NAALADL2: variants seen among roughly 807,000 people sequenced by gnomAD.
NAALADL2 encodes N-acetylated alpha-linked acidic dipeptidase like 2, also known as inactive N-acetylated-alpha-linked acidic dipeptidase-like protein 2.
A neutral mutation model predicts 87.2 loss-of-function variants in NAALADL2; 76 were observed. The observed-to-expected ratio is 0.87, with a 90% CI of 0.72 to 1.05. NAALADL2 has a LOEUF of 1.05. Ranked by LOEUF, NAALADL2 falls within the 50% of genes least tolerant of loss-of-function variation. NAALADL2 has a pLI of 0.00. For missense variants in NAALADL2, 1,089 were observed against 945.8 expected (o/e 1.15, Z -1.99); for synonymous variants, 354 against 331.0 (o/e 1.07, Z -0.75).
chr3:175,026,032 A>G (rs554776194), intron 1 of NAALADL2, among the ~76,000 whole-genome samples: 1 of 152,030 alleles, frequency 6.6e-6, no homozygotes, highest in Non-Finnish European at 1.5e-5. Flanking sequence ...GCTAGTCTCA[A>G]ATTCCTGGGC....
At chr3:174,907,302 C>T (rs1300877198) in intron 1 of NAALADL2, among the ~76,000 whole-genome samples, 1 of 151,982 alleles carries the variant, frequency 6.6e-6, no homozygotes, top group African/African-American at 2.4e-5. Context: ...CAGCAAATTA[C>T]CCAAGATGGA....
intron 2 of NAALADL2, among the ~76,000 whole-genome samples, chr3:174,656,708 G>T (rs988356912): frequency 1.3e-5 from 2 of 152,040 alleles, no homozygotes; most frequent in African/African-American, 2.4e-5. Flanking sequence ...GCATCTGCTT[G>T]CTGTTTCCAT....
chr3:175,684,154 T>TA (rs566709588), intron 11 of NAALADL2, among the ~76,000 whole-genome samples: 4,534 of 143,334 alleles, frequency 0.032, 237 homozygotes, highest in African/African-American at 0.11. Flanking sequence ...GCAATCACTT[T>TA]AAAAAAAAAA....
chr3:175,719,904 GT>G (rs1741985779), intron 11 of NAALADL2, among the ~76,000 whole-genome samples: 1 of 152,162 alleles, frequency 6.6e-6, no homozygotes, highest in African/African-American at 2.4e-5. Flanking sequence ...GTCTCCTCAT[GT>G]GATAGAAGAA....
intron 11 of NAALADL2, among the ~76,000 whole-genome samples, chr3:175,729,131 TTC>T (rs1213457513): frequency 2.6e-5 from 4 of 152,316 alleles, no homozygotes; most frequent in Middle Eastern, 3.4e-3. Context: ...TAATTTTAAC[TTC>T]TTTTTTAACT....
chr3:174,611,923 CT>C (rs796158684), intron 2 of NAALADL2, among the ~76,000 whole-genome samples: 1,862 of 144,572 alleles, frequency 0.013, 29 homozygotes, highest in African/African-American at 0.041. Context: ...GATTAATGTC[CT>C]TTTTTTTTTT....
intron 1 of NAALADL2, among the ~76,000 whole-genome samples, chr3:174,983,395 G>C (rs2108663427): frequency 6.6e-6 from 1 of 152,256 alleles, no homozygotes; most frequent in South Asian, 2.1e-4. Context: ...AGATAAAGAA[G>C]GTAGTTGAGG....
chr3:175,043,730 G>T (rs1754353965), intron 1 of NAALADL2, among the ~76,000 whole-genome samples: 1 of 152,062 alleles, frequency 6.6e-6, no homozygotes, highest in Non-Finnish European at 1.5e-5. Flanking sequence ...TCTTCTGTTA[G>T]TCTATGTGTC....
At chr3:174,679,513 G>A (rs890310776) in intron 2 of NAALADL2, among the ~76,000 whole-genome samples, 1 of 152,078 alleles carries the variant, frequency 6.6e-6, no homozygotes, top group Non-Finnish European at 1.5e-5. Context: ...GGTTACATCT[G>A]TGGCTCACAT....
At chr3:175,545,174 T>C (rs1305200216) in intron 9 of NAALADL2, among the ~76,000 whole-genome samples, 1 of 152,184 alleles carries the variant, frequency 6.6e-6, no homozygotes, top group Admixed American at 6.5e-5. Flanking sequence ...ACATGACTTA[T>C]ATGATCTCAC....
At chr3:175,384,252 G>T (rs142156908) in intron 5 of NAALADL2, among the ~76,000 whole-genome samples, 16 of 151,900 alleles carry the variant, frequency 1.1e-4, no homozygotes, top group African/African-American at 3.1e-4. Context: ...TTATCTTATT[G>T]ACTATAATGA....
intron 2 of NAALADL2, among the ~76,000 whole-genome samples, chr3:175,186,520 T>C (rs894868282): frequency 6.6e-6 from 1 of 152,126 alleles, no homozygotes; most frequent in Non-Finnish European, 1.5e-5. Context: ...GATTAGAAAG[T>C]AGCGACTATC....
intron 3 of NAALADL2, among the ~76,000 whole-genome samples, chr3:174,745,787 A>G (rs1353296104): frequency 1.3e-5 from 2 of 152,188 alleles, no homozygotes; most frequent in African/African-American, 4.8e-5. Context: ...CTGGTTAAAC[A>G]TACACAAATT....
chr3:174,674,020 GA>G (rs1726812125), intron 2 of NAALADL2, among the ~76,000 whole-genome samples: 1 of 152,002 alleles, frequency 6.6e-6, no homozygotes. Flanking sequence ...TTTAGGAAGA[GA>G]AGAGGTTTAA....
At chr3:175,416,528 T>C (rs1373269278) in intron 5 of NAALADL2, among the ~76,000 whole-genome samples, 1 of 152,124 alleles carries the variant, frequency 6.6e-6, no homozygotes, top group African/African-American at 2.4e-5. Context: ...ATGATAACAG[T>C]TATAGGATTT....
chr3:175,327,148 C>CTTTT lies in NAALADL2; in HGVS notation c.1090+2843_1090+2846dup, dbSNP rs35198621. 4.7e-3 allele frequency among the ~76,000 whole-genome samples: 471 copies of CTTTT among 99,456 alleles called. 5 individuals carry two copies. Among genetic ancestry groups the CTTTT allele is most frequent in the East Asian group, 9.4e-3 (25 of 2,658 alleles). The allele number at this position is 99,456 out of a possible 152,430, so 65.2% of individuals were successfully genotyped here. A position where few individuals can be genotyped will look rare whatever the true frequency, so the allele number is the denominator to read the frequency against. On this transcript the variant is annotated intron_variant, in intron 5 of 13. Transcript: ENST00000454872. The stretch of plus-strand genomic sequence containing the variant: ...CCAGCTTTATCAACTGTCTACATTT[C>CTTTT]TTTTTTTTTTTTTTTTTTTTTTTCT...
At chr3:175,289,205 T>A (rs994400803) in intron 4 of NAALADL2, among the ~76,000 whole-genome samples, 13 of 152,264 alleles carry the variant, frequency 8.5e-5, no homozygotes, top group Middle Eastern at 6.8e-3. Flanking sequence ...AAAATTTAAA[T>A]AGCTCTGTGA....
chr3:174,806,402 G>T (rs2109273365), intron 3 of NAALADL2, among the ~76,000 whole-genome samples: 1 of 152,284 alleles, frequency 6.6e-6, no homozygotes, highest in Middle Eastern at 3.4e-3. Flanking sequence ...CAATGGATGT[G>T]GGAGACCCAA....
At chr3:174,739,185 TC>T (rs1421739092) in intron 3 of NAALADL2, among the ~76,000 whole-genome samples, 1 of 152,192 alleles carries the variant, frequency 6.6e-6, no homozygotes, top group Non-Finnish European at 1.5e-5. Context: ...TGGAGTGTAT[TC>T]TTTTTTTTCA....
Sources: allele counts gnomAD v4.1 joint callset (sites outside exome capture counted in the v4.1 genomes callset), GRCh38; gene constraint gnomAD v4.1.1; transcripts MANE v1.5; gene names NCBI Gene and HGNC (gene_info 2026-07-23, HGNC 2026-07-21).